The following ARHGAP35 variants were observed in gnomAD, a reference collection of about 807,000 sequenced individuals.
ARHGAP35 encodes Rho GTPase activating protein 35, also known as rho GTPase-activating protein 35.
Under a neutral mutation model 111.1 loss-of-function variants are expected in ARHGAP35, and 15 were observed. That is an observed-to-expected ratio of 0.13 (90% CI 0.09 to 0.21). The LOEUF is 0.21. Among genes scored for constraint, ARHGAP35 ranks in the 10% least tolerant of loss-of-function variants. The pLI is 1.00. For missense variants in ARHGAP35, 1,262 were observed against 1,873.0 expected (o/e 0.67, Z 6.02); for synonymous variants, 643 against 710.3 (o/e 0.91, Z 1.51).
intron 3 of ARHGAP35, among the ~76,000 whole-genome samples, chr19:46,941,606 C>T (rs112273553): frequency 3.2e-3 from 474 of 148,720 alleles, no homozygotes; most frequent in African/African-American, 0.011. Context: ...GACAGGGTCT[C>T]GCTCTGTTGC....
At chr19:46,957,401 C>T (rs2056445976) in intron 3 of ARHGAP35, among the ~76,000 whole-genome samples, 1 of 151,996 alleles carries the variant, frequency 6.6e-6, no homozygotes, top group Non-Finnish European at 1.5e-5. Flanking sequence ...ATCACTAGAG[C>T]CCAGGAGTTT....
intron 1 of ARHGAP35, among the ~76,000 whole-genome samples, chr19:46,911,974 T>C (rs1180308457): frequency 6.6e-6 from 1 of 152,086 alleles, no homozygotes; most frequent in Non-Finnish European, 1.5e-5. Flanking sequence ...AATGGAAGCA[T>C]TGGGTTTTAA....
At chr19:46,937,137 G>A in intron 2 of ARHGAP35, 127 bp from the exon 3 acceptor site, 4 of 1,191,118 alleles carry the variant, frequency 3.4e-6, no homozygotes, top group Non-Finnish European at 4.7e-6. Flanking sequence ...ACCGTATCCA[G>A]CCACTTCTTG....
At position 46,956,956 on chromosome 19, in the gene ARHGAP35, C is replaced by CTTTTTTTTTTTTTTTTTTT. The variant is rs11449203; in HGVS notation, c.3826+19551_3826+19569dup. 1.9e-5 allele frequency among the ~76,000 whole-genome samples: 2 copies of CTTTTTTTTTTTTTTTTTTT among 107,618 alleles called. 1 individual carries two copies. The highest frequency in any genetic ancestry group is 7.3e-5 in the African/African-American group (2 of 27,360). 70.6% of individuals were successfully genotyped at this position (107,618 alleles called of 152,430 possible). A position where few individuals can be genotyped will look rare whatever the true frequency, so the allele number is the denominator to read the frequency against. ...TATCATTAGCTGTTCTTAAAGCAGA[C>CTTTTTTTTTTTTTTTTTTT]TTTTTTTTTTTTTTTTTTTTTGAGA... is the stretch of plus-strand genomic sequence containing the variant. On this transcript the variant is annotated intron_variant, in intron 3 of 6. Coordinates refer to ENST00000672722, the MANE Select transcript of ARHGAP35 (RefSeq NM_004491.5).
chr19:46,932,231 A>G (rs958016167), intron 2 of ARHGAP35, among the ~76,000 whole-genome samples: 1 of 152,236 alleles, frequency 6.6e-6, no homozygotes, highest in African/African-American at 2.4e-5. Context: ...GTAGTGAGCC[A>G]AGATTGCGCT....
At position 46,993,502 on chromosome 19, in the gene ARHGAP35, A is replaced by G. The variant is rs1158394856; in HGVS notation, c.4036+3827A>G. 1.3e-5 allele frequency among the ~76,000 whole-genome samples: 2 copies of G among 152,152 alleles called. No individual in the cohort carries two copies. Among genetic ancestry groups the G allele is most frequent in the Admixed American group, 1.3e-4 (2 of 15,280 alleles). On this transcript the variant is annotated intron_variant, in intron 5 of 6. Coordinates refer to ENST00000672722, the MANE Select transcript of ARHGAP35 (RefSeq NM_004491.5). This position sits in a 1 kb window ranked among gnomAD's most constrained non-coding sequence, Gnocchi z 4.6. Reference sequence around the variant, plus strand: ...CCACTTTGTTTGACCTTGGACCGGTATTCTGGCTTTGTGAGGCCTGGTGTG... The same window carrying G: ...CCACTTTGTTTGACCTTGGACCGGTGTTCTGGCTTTGTGAGGCCTGGTGTG...
Position 47,003,351 on chromosome 19 carries a change from T to C in ARHGAP35, c.*2663T>C, listed in dbSNP as rs2056758334. ...GGGACTCGCATGCAGCTCTCAGCAC[T>C]GGGTGGGAGGGCGTTGGCTTGTCCA... On this transcript the variant is annotated 3_prime_UTR_variant, in exon 7 of 7. Coordinates refer to ENST00000672722, the MANE Select transcript of ARHGAP35 (RefSeq NM_004491.5). 6.6e-6 allele frequency: 1 copy of C among 152,222 alleles called. No homozygotes were observed. The highest frequency in any genetic ancestry group is 6.5e-5 in the Admixed American group (1 of 15,284). The allele number at this position is 152,222 out of a possible 1,614,324, so 9.4% of individuals were successfully genotyped here. A position where few individuals can be genotyped will look rare whatever the true frequency, so the allele number is the denominator to read the frequency against.
intron 1 of ARHGAP35, among the ~76,000 whole-genome samples, chr19:46,874,898 G>T (rs958246528): frequency 7.2e-6 from 1 of 138,838 alleles, no homozygotes; most frequent in Non-Finnish European, 1.5e-5. Flanking sequence ...TGCAACCTCC[G>T]CTTCCCGGGT....
At chr19:46,925,582 C>A (rs2056233318) in intron 2 of ARHGAP35, among the ~76,000 whole-genome samples, 1 of 152,114 alleles carries the variant, frequency 6.6e-6, no homozygotes, top group Middle Eastern at 3.2e-3. Flanking sequence ...ACCTTAGTAC[C>A]CAGTTGAGGC....
Position 46,999,376 on chromosome 19 carries a change from A to C in ARHGAP35, c.4109A>C (p.Glu1370Ala). 6.3e-7 allele frequency: 1 copy of C among 1,591,796 alleles called. No homozygotes were observed. ...AAGAAATTTCCAAAGGAAAACCACG[A>C]AGTCTTCAAGTATGTCATCTCTCAC... is the stretch of plus-strand genomic sequence containing the variant. ...VLKKFPKENHEVFKYVISHLN... is the reference protein window; with the variant it reads ...VLKKFPKENHAVFKYVISHLN... Residue 1370 changes from glutamate (E) to alanine (A), a missense_variant, in exon 6 of 7, where the codon GAA (glutamate) becomes GCA (alanine). Transcript: ENST00000672722. This position sits in a 1 kb window ranked among gnomAD's most constrained non-coding sequence, Gnocchi z 5.4.
chr19:46,995,298 G>A (rs1054411020), intron 5 of ARHGAP35, among the ~76,000 whole-genome samples: 4 of 152,222 alleles, frequency 2.6e-5, no homozygotes, highest in African/African-American at 4.8e-5. Flanking sequence ...CTACTCAGGA[G>A]GCTGAGGCAG....
chr19:46,998,488 G>A (rs1054075601), intron 5 of ARHGAP35, among the ~76,000 whole-genome samples: 2 of 152,216 alleles, frequency 1.3e-5, no homozygotes, highest in Admixed American at 1.3e-4. Context: ...TCCCAGTCAA[G>A]GTGGGCCACA....
At position 46,876,193 on chromosome 19, in the gene ARHGAP35, A is replaced by AT. The variant is rs201937445; in HGVS notation, c.-189+14996dup. 3.9e-3 allele frequency among the ~76,000 whole-genome samples: 555 copies of AT among 143,204 alleles called. 6 individuals carry two copies. The highest frequency in any genetic ancestry group is 0.011 in the African/African-American group (443 of 38,970). The allele number at this position is 143,204 out of a possible 152,430, so 93.9% of individuals were successfully genotyped here. ...TGCTGCACTACCTGGACCTGGCTTT[A>AT]TTTTTTTTTTTTAATTTAATTTTTT... On this transcript the variant is annotated intron_variant, in intron 1 of 6. Transcript: ENST00000672722.
intron 1 of ARHGAP35, among the ~76,000 whole-genome samples, chr19:46,870,447 C>T (rs1225454810): frequency 2.6e-5 from 4 of 151,650 alleles, no homozygotes; most frequent in African/African-American, 2.4e-5. Flanking sequence ...GGTGTGGTGG[C>T]GGGCGCCTGT....
At chr19:46,877,974 C>T (rs985836914) in intron 1 of ARHGAP35, among the ~76,000 whole-genome samples, 1 of 152,024 alleles carries the variant, frequency 6.6e-6, no homozygotes, top group African/African-American at 2.4e-5. Context: ...TCCCAAAGTA[C>T]TGGAATTACA....
At chr19:46,871,379 G>A (rs1364866912) in intron 1 of ARHGAP35, among the ~76,000 whole-genome samples, 1 of 152,120 alleles carries the variant, frequency 6.6e-6, no homozygotes, top group African/African-American at 2.4e-5. Context: ...GTCTTGCTCT[G>A]TCACCCAGGC....
chr19:46,919,411 C>A lies in ARHGAP35; in HGVS notation c.736C>A (p.Leu246Ile). 2 of 1,613,980 alleles carry A rather than the reference C, an allele frequency of 1.2e-6. No individual in the cohort carries two copies. The highest frequency in any genetic ancestry group is 1.7e-6 in the Non-Finnish European group (2 of 1,179,896). The change falls in exon 2 of 7, where the codon CTC becomes ATC. Residue 246 changes from leucine (L) to isoleucine (I), a missense_variant. Transcript: ENST00000672722. The surrounding 1 kb of genome is among the most constrained non-coding windows in gnomAD (Gnocchi z 6.2). Reference sequence around the variant, plus strand: ...CTTGGCTTTCAGCACCTTAGTGCAACTCATTGATAAAAGTCGGGGAAAGAC... The same window carrying A: ...CTTGGCTTTCAGCACCTTAGTGCAAATCATTGATAAAAGTCGGGGAAAGAC... ...VDLAFSTLVQ[L>I]IDKSRGKTKI...
At chr19:46,962,735 TC>T (rs916811367) in intron 3 of ARHGAP35, among the ~76,000 whole-genome samples, 4 of 152,200 alleles carry the variant, frequency 2.6e-5, no homozygotes, top group Non-Finnish European at 5.9e-5. Flanking sequence ...TGCCTCAGCC[TC>T]CCACGTAGAT....
intron 1 of ARHGAP35, among the ~76,000 whole-genome samples, chr19:46,869,509 T>TATTTGC (rs2055876741): frequency 6.6e-6 from 1 of 151,290 alleles, no homozygotes; most frequent in Non-Finnish European, 1.5e-5. Context: ...TGTGTGTGTG[T>TATTTGC]ATTTGCATTG....
Sources: allele counts gnomAD v4.1 joint callset (sites outside exome capture counted in the v4.1 genomes callset), GRCh38; gene constraint gnomAD v4.1.1; non-coding constraint Gnocchi (gnomAD v3.1); transcripts MANE v1.5; gene names NCBI Gene and HGNC (gene_info 2026-07-23, HGNC 2026-07-21).